The following DGKH variants were observed in gnomAD, a reference collection of about 807,000 sequenced individuals.
The protein encoded by DGKH is DAG kinase eta.
In DGKH, 90 loss-of-function variants were observed where a neutral mutation model predicts 159.3. The observed-to-expected ratio is 0.57, with a 90% CI of 0.48 to 0.67. The LOEUF is 0.67. Among genes scored for constraint, DGKH ranks in the 30% least tolerant of loss-of-function variants. The pLI is 0.00. For synonymous variants in DGKH, 536 were observed against 553.8 expected, an observed-to-expected ratio of 0.97 and a Z score of 0.45; for missense variants, 1,181 against 1,506.1, an observed-to-expected ratio of 0.78 and a Z score of 3.57.
At chr13:42,061,185 T>C (rs1882137304) in intron 1 of DGKH, among the ~76,000 whole-genome samples, 1 of 152,194 alleles carries the variant, frequency 6.6e-6, no homozygotes, top group African/African-American at 2.4e-5. Flanking sequence ...ATGATGTTTA[T>C]ATAGCATGTG....
At position 42,233,532 on chromosome 13, in the gene DGKH, C is replaced by G. The variant is rs1180436679; in HGVS notation, c.*4344C>G. 1 of 152,214 alleles carries G rather than the reference C, an allele frequency of 6.6e-6. No homozygotes were observed. The highest frequency in any genetic ancestry group is 1.9e-4 in the East Asian group (1 of 5,202). The allele number at this position is 152,214 out of a possible 1,614,324, so 9.4% of individuals were successfully genotyped here. A position where few individuals can be genotyped will look rare whatever the true frequency, so the allele number is the denominator to read the frequency against. ...TGTCCTATTCATTCTTCAGCTAACTCCAGCAATGAGCTGAAACTCATTCAT... is the reference window on the plus strand; with the variant it reads ...TGTCCTATTCATTCTTCAGCTAACTGCAGCAATGAGCTGAAACTCATTCAT... On this transcript the variant is annotated 3_prime_UTR_variant, in exon 30 of 30. Transcript: ENST00000337343.
intron 13 of DGKH, among the ~76,000 whole-genome samples, chr13:42,185,642 C>T (rs1170118): frequency 0.092 from 14,000 of 152,096 alleles, 1,803 homozygotes; most frequent in African/African-American, 0.29. Context: ...TGCTCCTCTC[C>T]CTTAAAGTAG....
At chr13:42,041,511 C>A (rs1880505377) in intron 1 of DGKH, among the ~76,000 whole-genome samples, 1 of 152,178 alleles carries the variant, frequency 6.6e-6, no homozygotes, top group Admixed American at 6.5e-5. Flanking sequence ...GCACACGCAA[C>A]GCGGAGGTTG....
intron 1 of DGKH, among the ~76,000 whole-genome samples, chr13:42,082,738 G>C (rs1252676186): frequency 6.6e-6 from 1 of 152,200 alleles, no homozygotes; most frequent in Admixed American, 6.5e-5. Context: ...GACATTTCTT[G>C]TAGAAGGTTA....
chr13:42,115,942 G>A (rs928363770), intron 1 of DGKH, among the ~76,000 whole-genome samples: 1 of 152,178 alleles, frequency 6.6e-6, no homozygotes, highest in Non-Finnish European at 1.5e-5. Flanking sequence ...ATAGCAAGAG[G>A]AGTGGAAAGG....
chr13:42,244,354 A>C (rs909302382), downstream of DGKH, among the ~76,000 whole-genome samples: 5 of 152,220 alleles, frequency 3.3e-5, no homozygotes, highest in African/African-American at 1.2e-4. Flanking sequence ...GGAATGCCAG[A>C]GGAAGAAGCC....
chr13:42,231,414 C>T lies in DGKH; in HGVS notation c.*2226C>T, dbSNP rs1046412095. Reference sequence around the variant, plus strand: ...ATTATTCTAATTGTATCTGCACTTACGAAGTCAGAGGTCTCCTTTTTCAGT... The same window carrying T: ...ATTATTCTAATTGTATCTGCACTTATGAAGTCAGAGGTCTCCTTTTTCAGT... On this transcript the variant is annotated 3_prime_UTR_variant, in exon 30 of 30. Transcript: ENST00000337343. 2.6e-5 allele frequency: 4 copies of T among 152,092 alleles called. No homozygotes were observed. The highest frequency in any genetic ancestry group is 2.9e-5 in the Non-Finnish European group (2 of 68,024). The allele number at this position is 152,092 out of a possible 1,614,324, so 9.4% of individuals were successfully genotyped here.
intron 9 of DGKH, among the ~76,000 whole-genome samples, chr13:42,167,131 T>C (rs949483001): frequency 6.6e-6 from 1 of 152,232 alleles, no homozygotes; most frequent in Admixed American, 6.5e-5. Context: ...AGAAATACTT[T>C]ATTGATGATT....
chr13:42,046,085 A>C (rs1880779428), upstream of DGKH, among the ~76,000 whole-genome samples: 1 of 152,224 alleles, frequency 6.6e-6, no homozygotes. Flanking sequence ...CTTATGTTGA[A>C]GTCTTTAATA....
chr13:42,099,127 A>AT, intron 1 of DGKH, among the ~76,000 whole-genome samples: 1 of 152,260 alleles, frequency 6.6e-6, no homozygotes, highest in East Asian at 1.9e-4. Flanking sequence ...GCCCACACTA[A>AT]TTCATAGAGT....
rs1223546825 is a variant in DGKH, at chr13:42,178,116, A to G, written c.1453-19A>G. Reference sequence around the variant, plus strand: ...AATGCCAGCAACAATAATACAGTGTAGAGTTTTCTTTTCTTCAGATGACGA... The same window carrying G: ...AATGCCAGCAACAATAATACAGTGTGGAGTTTTCTTTTCTTCAGATGACGA... On this transcript the variant is annotated intron_variant, in intron 12 of 29. Coordinates refer to ENST00000337343, the MANE Select transcript of DGKH (RefSeq NM_178009.5). 6.3e-7 allele frequency: 1 copy of G among 1,595,136 alleles called. No individual in the cohort carries two copies. The highest frequency in any genetic ancestry group is 1.1e-5 in the South Asian group (1 of 89,234).
At chr13:42,084,525 AGG>A (rs1387135897) in intron 1 of DGKH, among the ~76,000 whole-genome samples, 1 of 152,180 alleles carries the variant, frequency 6.6e-6, no homozygotes, top group East Asian at 1.9e-4. Context: ...TAAAAATTTT[AGG>A]TAACTAGATC....
intron 1 of DGKH, among the ~76,000 whole-genome samples, chr13:42,049,485 C>T (rs939873797): frequency 6.6e-6 from 1 of 152,260 alleles, no homozygotes. Context: ...CTTAGGCCCA[C>T]TCAGAGGGTG....
At chr13:42,109,533 A>G (rs145665351) in intron 1 of DGKH, among the ~76,000 whole-genome samples, 1 of 152,332 alleles carries the variant, frequency 6.6e-6, no homozygotes, top group East Asian at 1.9e-4. Context: ...ATGATAGAGA[A>G]ATATAGAAAG....
At chr13:42,170,636 A>G (rs1234618954) in intron 11 of DGKH, among the ~76,000 whole-genome samples, 4 of 151,914 alleles carry the variant, frequency 2.6e-5, no homozygotes, top group Admixed American at 2.0e-4. Flanking sequence ...TCCTTTATTA[A>G]TTTACTGTTT....
chr13:42,121,286 A>C (rs1429495934), intron 1 of DGKH, among the ~76,000 whole-genome samples: 1 of 152,338 alleles, frequency 6.6e-6, no homozygotes, highest in African/African-American at 2.4e-5. Flanking sequence ...CTTTATTAGA[A>C]AATAGGCTTT....
chr13:42,053,128 G>T (rs1162443162), intron 1 of DGKH, among the ~76,000 whole-genome samples: 1 of 151,724 alleles, frequency 6.6e-6, no homozygotes, highest in Non-Finnish European at 1.5e-5. Flanking sequence ...TTGAACCCAA[G>T]AATTCAAGAC....
intron 16 of DGKH, among the ~76,000 whole-genome samples, 165 bp downstream of exon 16, chr13:42,190,690 A>G (rs545395023): frequency 1.6e-4 from 25 of 152,338 alleles, no homozygotes; most frequent in Middle Eastern, 3.4e-3. Context: ...ATAAAACAAT[A>G]AAGATAACAC....
At chr13:42,187,658 G>A (rs1359879055) in intron 14 of DGKH, among the ~76,000 whole-genome samples, 1 of 152,136 alleles carries the variant, frequency 6.6e-6, no homozygotes, top group Non-Finnish European at 1.5e-5. Flanking sequence ...TTACAAGTGT[G>A]AGCCACCACA....
Sources: allele counts gnomAD v4.1 joint callset (sites outside exome capture counted in the v4.1 genomes callset), GRCh38; gene constraint gnomAD v4.1.1; transcripts MANE v1.5; gene names NCBI Gene and HGNC (gene_info 2026-07-23, HGNC 2026-07-21).